SPIN1: variants seen among roughly 807,000 people sequenced by gnomAD.
SPIN1 encodes spindlin 1, also known as spindlin-1.
In SPIN1, 3 loss-of-function variants were observed where a neutral mutation model predicts 26.0. That is an observed-to-expected ratio of 0.12 (90% confidence interval 0.05 to 0.30). The LOEUF (loss-of-function observed/expected upper bound fraction) is 0.30, where lower values mean the gene tolerates loss of function less well. Ranked by LOEUF, SPIN1 falls within the 10% of genes least tolerant of loss-of-function variation. SPIN1 has a pLI of 1.00. For missense variants in SPIN1, 126 were observed against 333.4 expected, an observed-to-expected ratio of 0.38 and a Z score of 4.84; for synonymous variants, 101 against 116.5, an observed-to-expected ratio of 0.87 and a Z score of 0.86.
chr9:88,419,126 A>G (rs1283331413), intron 1 of SPIN1, among the ~76,000 whole-genome samples: 4 of 152,138 alleles, frequency 2.6e-5, no homozygotes, highest in Non-Finnish European at 4.4e-5. Flanking sequence ...AGTATGTTCA[A>G]TTCTTTGCCT....
intron 2 of SPIN1, among the ~76,000 whole-genome samples, chr9:88,447,332 T>C (rs1465319455): frequency 1.3e-5 from 2 of 152,268 alleles, no homozygotes; most frequent in Non-Finnish European, 1.5e-5. Context: ...CTAAGTACTT[T>C]ATTTCATTCA....
At chr9:88,425,320 C>G (rs1387904375) in intron 1 of SPIN1, among the ~76,000 whole-genome samples, 1 of 152,038 alleles carries the variant, frequency 6.6e-6, no homozygotes, top group Non-Finnish European at 1.5e-5. Flanking sequence ...GGCCTAGTCT[C>G]TCTACATCAT....
At chr9:88,406,571 C>T (rs1827315669) in intron 1 of SPIN1, among the ~76,000 whole-genome samples, 1 of 151,852 alleles carries the variant, frequency 6.6e-6, no homozygotes, top group Non-Finnish European at 1.5e-5. Flanking sequence ...GGATTACAGG[C>T]TTGAGCCACT....
chr9:88,426,688 A>G (rs1163242854), intron 2 of SPIN1, 97 bp downstream of exon 2: 3 of 1,071,938 alleles, frequency 2.8e-6, no homozygotes, highest in Non-Finnish European at 4.1e-6. Context: ...ATAGCTAGTG[A>G]AAAACTTTGT....
chr9:88,391,351 A>G (rs1826916647), intron 1 of SPIN1: 1 of 165,158 alleles, frequency 6.1e-6, no homozygotes, highest in African/African-American at 2.4e-5. Flanking sequence ...AAAAAGTACA[A>G]GAATGACAGT....
chr9:88,446,175 G>A (rs1229159602), intron 2 of SPIN1, among the ~76,000 whole-genome samples: 2 of 152,028 alleles, frequency 1.3e-5, no homozygotes, highest in Non-Finnish European at 2.9e-5. Context: ...GGGTTCATAT[G>A]CATTTAAGAT....
At chr9:88,398,242 T>C (rs967504020) in intron 1 of SPIN1, among the ~76,000 whole-genome samples, 2 of 152,042 alleles carry the variant, frequency 1.3e-5, no homozygotes, top group Non-Finnish European at 2.9e-5. Flanking sequence ...TGAGTCACCG[T>C]GCCTGGCTGT....
At chr9:88,453,651 C>T (rs769527885) in intron 3 of SPIN1, among the ~76,000 whole-genome samples, 2 of 152,044 alleles carry the variant, frequency 1.3e-5, no homozygotes, top group South Asian at 2.1e-4. Context: ...CTCAGCCTTC[C>T]GAGTAGCTGG....
At chr9:88,403,094 T>G (rs1382067284) in intron 1 of SPIN1, among the ~76,000 whole-genome samples, 1 of 152,212 alleles carries the variant, frequency 6.6e-6, no homozygotes, top group Non-Finnish European at 1.5e-5. Context: ...CATTTGTATG[T>G]TTTTTGATGT....
chr9:88,418,163 C>T (rs1427440005), intron 1 of SPIN1, among the ~76,000 whole-genome samples: 2 of 152,186 alleles, frequency 1.3e-5, no homozygotes, highest in Non-Finnish European at 2.9e-5. Flanking sequence ...CTACCCGCCT[C>T]CCTTCCCAGG....
At chr9:88,448,516 T>G (rs914173526) in intron 2 of SPIN1, among the ~76,000 whole-genome samples, 9 of 148,044 alleles carry the variant, frequency 6.1e-5, no homozygotes, top group African/African-American at 2.4e-4. Flanking sequence ...TACACTTGGC[T>G]TGTTGTTTTT....
At chr9:88,390,226 G>T (rs558443420) in intron 1 of SPIN1, among the ~76,000 whole-genome samples, 2 of 152,114 alleles carry the variant, frequency 1.3e-5, no homozygotes, top group African/African-American at 4.8e-5. Flanking sequence ...ATGTTCCCTG[G>T]AACAGCCATT....
chr9:88,411,379 C>G, intron 1 of SPIN1: 1 of 1,589,886 alleles, frequency 6.3e-7, no homozygotes, highest in African/African-American at 1.3e-5. Context: ...TCCTCAGGCT[C>G]TCATCGGTTG....
chr9:88,420,038 C>T (rs1460216234), intron 1 of SPIN1, among the ~76,000 whole-genome samples: 2 of 152,156 alleles, frequency 1.3e-5, no homozygotes, highest in African/African-American at 4.8e-5. Context: ...GCTTTTTGTT[C>T]TGCCATCCTG....
intron 5 of SPIN1, among the ~76,000 whole-genome samples, chr9:88,472,613 C>G (rs1230186110): frequency 6.6e-6 from 1 of 152,180 alleles, no homozygotes; most frequent in East Asian, 1.9e-4. Context: ...CTACCTCAGC[C>G]TCCCGAGTAG....
intron 1 of SPIN1, among the ~76,000 whole-genome samples, chr9:88,392,284 A>G (rs1826940131): frequency 6.6e-6 from 1 of 152,174 alleles, no homozygotes. Context: ...CCTGTTCATG[A>G]CCTTAAAATT....
chr9:88,398,765 G>A (rs1471830035), intron 1 of SPIN1, among the ~76,000 whole-genome samples: 1 of 151,840 alleles, frequency 6.6e-6, no homozygotes, highest in East Asian at 1.9e-4. Flanking sequence ...AGTAGAAACG[G>A]GTTTCTCCAT....
At chr9:88,403,104 T>C (rs553850247) in intron 1 of SPIN1, among the ~76,000 whole-genome samples, 3 of 152,300 alleles carry the variant, frequency 2.0e-5, no homozygotes, top group African/African-American at 7.2e-5. Flanking sequence ...TTTTTTGATG[T>C]CCTTTGCCCA....
Position 88,467,721 on chromosome 9 carries a change from A to G in SPIN1, c.356-651A>G, listed in dbSNP as rs1026423789. 3.9e-5 allele frequency among the ~76,000 whole-genome samples: 6 copies of G among 152,326 alleles called. No individual in the cohort carries two copies. The East Asian group carries it at 7.7e-4, about 20-fold the overall frequency. On this transcript the variant is annotated intron_variant, in intron 4 of 5. Transcript: ENST00000375859. ...AACATTTTAGATCACACAATGTGGT[A>G]TCAGTGACACAACGATTACTTTGGT...
Sources: gnomAD v4.1 joint callset for allele counts (sites outside exome capture counted in the v4.1 genomes callset) on GRCh38, gnomAD v4.1.1 for gene constraint, MANE v1.5 for transcripts, NCBI Gene and HGNC (gene_info 2026-07-23, HGNC 2026-07-21) for gene names.